The following HTR4 variants were observed in gnomAD, a reference collection of about 807,000 sequenced individuals.
The protein encoded by HTR4 is 5-hydroxytryptamine receptor 4.
In HTR4, 16 loss-of-function variants were observed where a neutral mutation model predicts 36.8. The ratio of observed to expected loss-of-function variants is 0.43; its 90% CI spans 0.29 to 0.66. HTR4 has a LOEUF of 0.66. HTR4 is among the 30% of genes least tolerant of loss of function. The pLI, the probability that HTR4 is intolerant of heterozygous loss-of-function variation, is 0.13. For synonymous variants in HTR4, 189 were observed against 185.1 expected, an observed-to-expected ratio of 1.02 and a Z score of -0.17; for missense variants, 438 against 490.9, an observed-to-expected ratio of 0.89 and a Z score of 1.02.
intron 4 of HTR4, among the ~76,000 whole-genome samples, chr5:148,544,335 CTCTCT>C (rs1759274530): frequency 4.4e-5 from 3 of 68,644 alleles, no homozygotes; most frequent in Non-Finnish European, 1.1e-4. Context: ...CTCTTTCTCT[CTCTCT>C]CCACACACAC....
rs1755974487 is a variant in HTR4, at chr5:148,483,232, A to C, written c.1138T>G (p.Leu380Val). 1 of 1,613,920 alleles carries C rather than the reference A, an allele frequency of 6.2e-7. No individual in the cohort carries two copies. Among genetic ancestry groups the C allele is most frequent in the African/African-American group, 1.3e-5 (1 of 74,894 alleles). ...GTGTCACTGGGCTGAGCAGCCACCAAAGGAGAAGTTGCTGGCGGGTGACAC... is the reference window on the plus strand; with the variant it reads ...GTGTCACTGGGCTGAGCAGCCACCACAGGAGAAGTTGCTGGCGGGTGACAC... ...SQCHPPATSP[L>V]VAAQPSDT The change falls in exon 7 of 7, where the codon TTG becomes GTG. Residue 380 changes from leucine to valine, a missense_variant. Leu to Val is a conservative substitution (Grantham distance 32). Transcript: ENST00000377888.
At chr5:148,597,806 G>A (rs1226385279) in intron 2 of HTR4, among the ~76,000 whole-genome samples, 1 of 152,174 alleles carries the variant, frequency 6.6e-6, no homozygotes, top group Non-Finnish European at 1.5e-5. Flanking sequence ...TTGCCTCTAT[G>A]ATTGATAAAG....
chr5:148,554,131 A>T (rs1285672686), intron 2 of HTR4, among the ~76,000 whole-genome samples: 1 of 152,176 alleles, frequency 6.6e-6, no homozygotes, highest in Non-Finnish European at 1.5e-5. Flanking sequence ...GCTGGAGTGC[A>T]ATGGCGCGAT....
intron 2 of HTR4, among the ~76,000 whole-genome samples, chr5:148,569,872 T>C (rs538602225): frequency 2.0e-5 from 3 of 152,186 alleles, no homozygotes; most frequent in African/African-American, 7.2e-5. Flanking sequence ...GTATTGAAGA[T>C]GATGGGAGAC....
At chr5:148,582,384 T>C (rs1761169672) in intron 2 of HTR4, among the ~76,000 whole-genome samples, 1 of 151,954 alleles carries the variant, frequency 6.6e-6, no homozygotes. Flanking sequence ...TGGGGTAGGA[T>C]TGATCTCATT....
intron 6 of HTR4, among the ~76,000 whole-genome samples, chr5:148,505,353 G>A (rs1232050267): frequency 1.3e-5 from 2 of 152,144 alleles, no homozygotes; most frequent in Non-Finnish European, 2.9e-5. Flanking sequence ...CAATAAGTTA[G>A]GTATTGATGG....
At chr5:148,587,113 C>T (rs1239371116) in intron 2 of HTR4, among the ~76,000 whole-genome samples, 1 of 152,120 alleles carries the variant, frequency 6.6e-6, no homozygotes, top group East Asian at 1.9e-4. Context: ...CCTGCTGGAC[C>T]TCTGGAACCA....
At chr5:148,455,338 G>A (rs943609596) in intron 5 of HTR4, among the ~76,000 whole-genome samples, 6 of 152,128 alleles carry the variant, frequency 3.9e-5, no homozygotes, top group Admixed American at 3.3e-4. Context: ...CACTGAGTTC[G>A]CATGAAAAAG....
intron 5 of HTR4, among the ~76,000 whole-genome samples, chr5:148,466,877 TATG>T (rs1163373939): frequency 6.6e-6 from 1 of 152,232 alleles, no homozygotes; most frequent in Non-Finnish European, 1.5e-5. Flanking sequence ...AGCCTGATGA[TATG>T]CCTTGGTATC....
intron 2 of HTR4, among the ~76,000 whole-genome samples, chr5:148,599,154 A>G (rs1333132116): frequency 3.9e-5 from 6 of 152,204 alleles, no homozygotes. Flanking sequence ...GATGAGATAC[A>G]TTGAAATGGT....
chr5:148,469,637 G>A (rs560287754), intron 5 of HTR4, among the ~76,000 whole-genome samples: 10 of 152,202 alleles, frequency 6.6e-5, no homozygotes, highest in Non-Finnish European at 1.2e-4. Flanking sequence ...TTGGTCATCA[G>A]CAGTTGGCTG....
At chr5:148,512,839 T>C (rs1332693745) in intron 5 of HTR4, among the ~76,000 whole-genome samples, 1 of 151,976 alleles carries the variant, frequency 6.6e-6, no homozygotes, top group Non-Finnish European at 1.5e-5. Context: ...GCTGAGGCAC[T>C]AGAATCGCTT....
rs1014427984 is a variant in HTR4, at chr5:148,481,645, A to G, written c.*1558T>C. 1.3e-6 allele frequency: 2 copies of G among 1,502,192 alleles called. No individual in the cohort carries two copies. The highest frequency in any genetic ancestry group is 2.8e-5 in the African/African-American group (2 of 70,526). The allele number at this position is 1,502,192 out of a possible 1,614,324, so 93.1% of individuals were successfully genotyped here. ...AGTTCCAGAACTAAAGTAAACAACAATGGAAACAATAACTGACACCTTATA... is the reference window on the plus strand; with the variant it reads ...AGTTCCAGAACTAAAGTAAACAACAGTGGAAACAATAACTGACACCTTATA... On this transcript the variant is annotated 3_prime_UTR_variant, in exon 7 of 7. Coordinates refer to ENST00000377888, the MANE Select transcript of HTR4 (RefSeq NM_000870.7).
chr5:148,479,531 T>G (rs1755808839), downstream of HTR4, among the ~76,000 whole-genome samples: 1 of 152,162 alleles, frequency 6.6e-6, no homozygotes, highest in Non-Finnish European at 1.5e-5. Context: ...ATAAATATAA[T>G]TTATCAATTA....
chr5:148,639,667 G>T, intron 1 of HTR4, among the ~76,000 whole-genome samples: 1 of 126,444 alleles, frequency 7.9e-6, no homozygotes. Flanking sequence ...CTTTATTTGT[G>T]ATCTGTCTTG....
At chr5:148,528,596 C>T (rs915044770) in intron 4 of HTR4, among the ~76,000 whole-genome samples, 1 of 152,188 alleles carries the variant, frequency 6.6e-6, no homozygotes, top group East Asian at 1.9e-4. Context: ...CTAGTGTTAA[C>T]CGATGGTGCT....
At chr5:148,526,453 T>C (rs1321774450) in intron 4 of HTR4, among the ~76,000 whole-genome samples, 1 of 152,146 alleles carries the variant, frequency 6.6e-6, no homozygotes, top group African/African-American at 2.4e-5. Context: ...GTAATCAATA[T>C]AATTTTTGAG....
chr5:148,509,364 G>T, intron 6 of HTR4, 92 bp downstream of exon 6: 1 of 935,370 alleles, frequency 1.1e-6, no homozygotes, highest in African/African-American at 1.7e-5. Flanking sequence ...GCAGGTTTCA[G>T]GGATAACCCC....
At chr5:148,453,359 C>A (rs971667156) in intron 5 of HTR4, among the ~76,000 whole-genome samples, 1 of 152,256 alleles carries the variant, frequency 6.6e-6, no homozygotes, top group Non-Finnish European at 1.5e-5. Context: ...TTGCTCCCTG[C>A]AGTTGCTAAC....
Sources: allele counts gnomAD v4.1 joint callset (sites outside exome capture counted in the v4.1 genomes callset), GRCh38; gene constraint gnomAD v4.1.1; transcripts MANE v1.5; gene names NCBI Gene and HGNC (gene_info 2026-07-23, HGNC 2026-07-21).